Variants in C1QTNF7 observed in about 807,000 individuals in gnomAD.
C1QTNF7 encodes the protein C1q and TNF related 7.
Under a neutral mutation model 19.6 loss-of-function variants are expected in C1QTNF7, and 15 were observed. The ratio of observed to expected loss-of-function variants is 0.76; its 90% CI spans 0.51 to 1.18. C1QTNF7 has a LOEUF of 1.18. C1QTNF7 is among the 50% of genes most tolerant of loss of function. C1QTNF7 has a pLI of 0.00. For synonymous variants in C1QTNF7, 142 were observed against 137.5 expected, an observed-to-expected ratio of 1.03 and a Z score of -0.23; for missense variants, 324 against 359.7, an observed-to-expected ratio of 0.90 and a Z score of 0.80.
At chr4:15,353,617 C>T (rs1043700241) in intron 1 of C1QTNF7, among the ~76,000 whole-genome samples, 10 of 152,084 alleles carry the variant, frequency 6.6e-5, no homozygotes, top group Admixed American at 2.0e-4. Context: ...GAAAGAGGGG[C>T]ATTTTCTTAG....
chr4:15,354,879 T>G (rs961409730), intron 1 of C1QTNF7, among the ~76,000 whole-genome samples: 1 of 152,126 alleles, frequency 6.6e-6, no homozygotes, highest in Admixed American at 6.5e-5. Context: ...TGGCCAATAC[T>G]TTAAGGATAA....
chr4:15,439,087 T>A (rs1712646343), intron 2 of C1QTNF7, among the ~76,000 whole-genome samples: 1 of 152,156 alleles, frequency 6.6e-6, no homozygotes, highest in Admixed American at 6.6e-5. Context: ...CTTACCCCCA[T>A]AATCCTCCAC....
upstream of C1QTNF7, among the ~76,000 whole-genome samples, chr4:15,425,852 G>C (rs901287886): frequency 1.3e-5 from 2 of 152,122 alleles, no homozygotes; most frequent in East Asian, 3.8e-4. Flanking sequence ...GTGTGAGTGT[G>C]TGTGTATGTA....
chr4:15,433,134 C>T (rs899233580), intron 1 of C1QTNF7, among the ~76,000 whole-genome samples: 1 of 152,160 alleles, frequency 6.6e-6, no homozygotes, highest in African/African-American at 2.4e-5. Context: ...CAGCCAATAG[C>T]CTTGCACCCC....
intron 1 of C1QTNF7, among the ~76,000 whole-genome samples, chr4:15,421,869 G>A (rs1711781187): frequency 6.6e-6 from 1 of 152,150 alleles, no homozygotes; most frequent in Non-Finnish European, 1.5e-5. Context: ...ATTCAGCAAT[G>A]AAAGAAACAT....
chr4:15,363,684 C>G (rs1717418640), intron 1 of C1QTNF7, among the ~76,000 whole-genome samples: 1 of 152,158 alleles, frequency 6.6e-6, no homozygotes, highest in Admixed American at 6.5e-5. Context: ...AATGAGGCTT[C>G]TGTTAACAAG....
At position 15,445,550 on chromosome 4, in the gene C1QTNF7, TTCAAATA is replaced by T. The variant is rs1560375457; in HGVS notation, c.*2754_*2760del. The stretch of plus-strand genomic sequence containing the variant: ...TTGAAGCCTAGAGATGAATTTCGTT[TTCAAATA>T]TCTGGTGGGATGGTAATGGGGATTA... On this transcript the variant is annotated 3_prime_UTR_variant, in exon 3 of 3. Transcript: ENST00000444304. The T allele has an allele frequency of 2.0e-5, 3 of 152,246 alleles. No individual in the cohort carries two copies. The highest frequency in any genetic ancestry group is 2.9e-5 in the Non-Finnish European group (2 of 68,052). The allele number at this position is 152,246 out of a possible 1,614,324, so 9.4% of individuals were successfully genotyped here.
At chr4:15,340,674 T>C (rs1274287132) in intron 1 of C1QTNF7, among the ~76,000 whole-genome samples, 1 of 152,242 alleles carries the variant, frequency 6.6e-6, no homozygotes, top group African/African-American at 2.4e-5. Flanking sequence ...GCAGTTACTA[T>C]GGCTTCTTAT....
Position 15,420,826 on chromosome 4 carries a change from CT to C in C1QTNF7, c.14-14881del, listed in dbSNP as rs61609914. 5.3e-3 allele frequency among the ~76,000 whole-genome samples: 348 copies of C among 66,232 alleles called. 2 individuals are homozygous for C. Among genetic ancestry groups the C allele is most frequent in the African/African-American group, 0.014 (228 of 16,194 alleles). 43.5% of individuals were successfully genotyped at this position (66,232 alleles called of 152,430 possible). On this transcript the variant is annotated intron_variant, in intron 1 of 2. Transcript: ENST00000295297. ...CTAGGGTAACATTCCACTGCTTTGT[CT>C]TTTTTTTTTTTTTTTTTTTTTTTTT...
At chr4:15,400,439 A>G (rs1244864173) in intron 1 of C1QTNF7, among the ~76,000 whole-genome samples, 2 of 152,252 alleles carry the variant, frequency 1.3e-5, no homozygotes, top group African/African-American at 4.8e-5. Flanking sequence ...GAGTGGAGAG[A>G]AACAGAAAAG....
At chr4:15,385,795 G>C (rs565629154) in intron 1 of C1QTNF7, among the ~76,000 whole-genome samples, 1 of 152,336 alleles carries the variant, frequency 6.6e-6, no homozygotes, top group African/African-American at 2.4e-5. Flanking sequence ...ATTTCAACAA[G>C]AGCGGGCTCG....
chr4:15,412,711 G>T (rs1042353847), intron 1 of C1QTNF7, among the ~76,000 whole-genome samples: 8 of 152,164 alleles, frequency 5.3e-5, no homozygotes, highest in African/African-American at 1.9e-4. Context: ...AGGCTATTGC[G>T]CAGCTCACCA....
intron 1 of C1QTNF7, among the ~76,000 whole-genome samples, chr4:15,371,119 C>T (rs1294314543): frequency 6.6e-6 from 1 of 152,226 alleles, no homozygotes; most frequent in East Asian, 1.9e-4. Context: ...GAACAGGCAG[C>T]TCCATCCTGC....
chr4:15,438,623 A>T (rs1474859310), intron 2 of C1QTNF7, among the ~76,000 whole-genome samples: 2 of 152,244 alleles, frequency 1.3e-5, no homozygotes, highest in Admixed American at 1.3e-4. Context: ...TTACTGTAGC[A>T]TAATATTAAC....
intron 1 of C1QTNF7, among the ~76,000 whole-genome samples, chr4:15,372,042 G>T (rs1035875996): frequency 5.3e-5 from 8 of 152,116 alleles, no homozygotes; most frequent in African/African-American, 1.9e-4. Context: ...TTTGGTCACT[G>T]CTGCTTACTA....
chr4:15,442,063 T>C, intron 2 of C1QTNF7, 105 bp from the exon 3 acceptor site: 1 of 1,283,048 alleles, frequency 7.8e-7, no homozygotes, highest in Non-Finnish European at 1.1e-6. Context: ...CTGTTAAATG[T>C]TGCCTGAAAA....
intron 1 of C1QTNF7, chr4:15,374,776 A>C: frequency 2.1e-6 from 2 of 963,650 alleles, no homozygotes; most frequent in Non-Finnish European, 2.4e-6. Flanking sequence ...CAATGTAAGT[A>C]AACAGCCCTC....
intron 1 of C1QTNF7, among the ~76,000 whole-genome samples, chr4:15,400,389 A>G (rs928962620): frequency 2.0e-5 from 3 of 152,264 alleles, no homozygotes; most frequent in Non-Finnish European, 4.4e-5. Context: ...TGTCAACAGC[A>G]TTAAATTTGA....
chr4:15,369,914 G>T (rs762932149), intron 1 of C1QTNF7, among the ~76,000 whole-genome samples: 19 of 152,158 alleles, frequency 1.2e-4, no homozygotes, highest in Non-Finnish European at 2.1e-4. Context: ...ATCAGGTAGA[G>T]ATTTAAGACA....
Sources: gnomAD v4.1 joint callset for allele counts (sites outside exome capture counted in the v4.1 genomes callset) on GRCh38, gnomAD v4.1.1 for gene constraint, MANE v1.5 for transcripts, NCBI Gene and HGNC (gene_info 2026-07-23, HGNC 2026-07-21) for gene names.